Variants in ATXN7L1 observed in about 807,000 individuals in gnomAD.
The protein encoded by ATXN7L1 is ataxin 7 like 1, also known as ataxin-7-like protein 1.
Under a neutral mutation model 70.8 loss-of-function variants are expected in ATXN7L1, and 15 were observed. The ratio of observed to expected loss-of-function variants is 0.21; its 90% CI spans 0.14 to 0.33. ATXN7L1 has a LOEUF of 0.33. ATXN7L1 is among the 10% of genes least tolerant of loss of function. The pLI is 1.00. For missense variants in ATXN7L1, 975 were observed against 1,097.1 expected (o/e 0.89, Z 1.57); for synonymous variants, 440 against 445.1 (o/e 0.99, Z 0.14).
At chr7:105,819,365 A>T (rs1809714258) in intron 2 of ATXN7L1, 1 of 460,196 alleles carries the variant, frequency 2.2e-6, no homozygotes, top group African/African-American at 2.0e-5. Context: ...ATTAAAAAAA[A>T]ATCTGTATAT....
At position 105,630,949 on chromosome 7, in the gene ATXN7L1, C is replaced by G. The variant is rs565471534; in HGVS notation, c.1203-6682G>C. 2.1e-4 allele frequency among the ~76,000 whole-genome samples: 32 copies of G among 152,256 alleles called. No homozygotes were observed. The East Asian group carries it at 6.0e-3, about 28-fold the overall frequency. ...CAGGAAAGGTGGTCTTCAGCTTCAT[C>G]TGGACCTTGTTATATCTGCATGTGC... On this transcript the variant is annotated intron_variant, in intron 7 of 11. Transcript: ENST00000419735.
intron 2 of ATXN7L1, among the ~76,000 whole-genome samples, chr7:105,808,519 A>G (rs1807938295): frequency 6.6e-6 from 1 of 152,222 alleles, no homozygotes; most frequent in Non-Finnish European, 1.5e-5. Context: ...GTGGTGAACT[A>G]TTATGGGAAG....
intron 2 of ATXN7L1, among the ~76,000 whole-genome samples, chr7:105,866,940 T>C (rs1383740248): frequency 6.6e-6 from 1 of 152,190 alleles, no homozygotes; most frequent in Non-Finnish European, 1.5e-5. Flanking sequence ...TACCATCTTA[T>C]GCCTACTTCT....
intron 3 of ATXN7L1, among the ~76,000 whole-genome samples, chr7:105,677,046 A>G (rs1037190501): frequency 2.0e-5 from 3 of 152,180 alleles, no homozygotes; most frequent in Non-Finnish European, 4.4e-5. Flanking sequence ...CCGTGGAGGG[A>G]GGATCCTGGC....
At chr7:105,792,700 G>A (rs1052775014) in intron 2 of ATXN7L1, among the ~76,000 whole-genome samples, 4 of 152,184 alleles carry the variant, frequency 2.6e-5, no homozygotes, top group East Asian at 1.9e-4. Flanking sequence ...GTTTAGTGTC[G>A]TCATGGCAGT....
At chr7:105,725,538 C>T (rs988794739) in intron 3 of ATXN7L1, among the ~76,000 whole-genome samples, 1 of 151,924 alleles carries the variant, frequency 6.6e-6, no homozygotes, top group African/African-American at 2.4e-5. Flanking sequence ...ATCTGCTCTC[C>T]AAATGGGAAG....
At chr7:105,760,242 G>C (rs997764116) in intron 3 of ATXN7L1, 2 of 983,772 alleles carry the variant, frequency 2.0e-6, no homozygotes, top group African/African-American at 3.5e-5. Context: ...TGGGAAAAGT[G>C]ACAAAGGATA....
At chr7:105,779,709 A>C (rs1298562281) in intron 3 of ATXN7L1, among the ~76,000 whole-genome samples, 3 of 152,248 alleles carry the variant, frequency 2.0e-5, no homozygotes, top group African/African-American at 7.2e-5. Context: ...TATCAATACC[A>C]GGAGTTAATT....
At chr7:105,818,559 T>C (rs143568103) in intron 2 of ATXN7L1, among the ~76,000 whole-genome samples, 3 of 152,294 alleles carry the variant, frequency 2.0e-5, no homozygotes, top group Non-Finnish European at 4.4e-5. Flanking sequence ...TGGCCCAAAT[T>C]CAAGGCTGAA....
At position 105,642,900 on chromosome 7, in the gene ATXN7L1, G is replaced by T. The variant is rs1312549371; in HGVS notation, c.800C>A (p.Thr267Asn). ...GCCATTTTGGTGTTTCTTGTCTATG[G>T]TGGTTGGCAGAATTCCTTTGCCATT... ...ILNGKGILPT[T>N]IDKKHQNGTK... is the part of the protein sequence containing the mutation. Residue 267 changes from threonine to asparagine, a missense_variant, in exon 5 of 12, where the codon ACC becomes AAC. Thr to Asn is a moderately conservative substitution (Grantham distance 65, BLOSUM62 0). This residue lies in a region of ATXN7L1 where 192 missense variants were observed against 215.5 expected (regional missense o/e 0.89). Transcript: ENST00000419735. The T allele has an allele frequency of 6.4e-7, 1 of 1,551,726 alleles. No homozygotes were observed. Among genetic ancestry groups the T allele is most frequent in the Admixed American group, 2.0e-5 (1 of 51,008 alleles).
intron 3 of ATXN7L1, among the ~76,000 whole-genome samples, chr7:105,727,747 T>TGTATATATATATATAC (rs1796009449): frequency 6.3e-5 from 1 of 15,916 alleles, no homozygotes; most frequent in African/African-American, 6.3e-4. Context: ...TGTATGTGTG[T>TGTATATATATATATAC]ATATATATAT....
chr7:105,700,061 C>G (rs1036397084), intron 3 of ATXN7L1, among the ~76,000 whole-genome samples: 1 of 152,170 alleles, frequency 6.6e-6, no homozygotes, highest in African/African-American at 2.4e-5. Flanking sequence ...GCTCTGAGCT[C>G]CTGGCTGGGT....
At chr7:105,685,044 GATAATAATAATAATA>G (rs112358794) in intron 3 of ATXN7L1, among the ~76,000 whole-genome samples, 20,759 of 142,652 alleles carry the variant, frequency 0.15, 1,808 homozygotes, top group South Asian at 0.35. Context: ...GAGAAGAGAT[GATAATAATAATAATA>G]ATAATAATAA....
intron 10 of ATXN7L1, 104 bp downstream of exon 10, chr7:105,613,758 A>G: frequency 6.5e-7 from 1 of 1,535,686 alleles, no homozygotes; most frequent in Admixed American, 2.1e-5. Flanking sequence ...GAGAACAGGA[A>G]TCAAGCTTGT....
intron 3 of ATXN7L1, among the ~76,000 whole-genome samples, chr7:105,727,973 T>C (rs1796110877): frequency 6.6e-6 from 1 of 151,560 alleles, no homozygotes; most frequent in African/African-American, 2.4e-5. Flanking sequence ...TATCTTGTAA[T>C]AATGTATTAC....
chr7:105,859,022 G>C (rs948609251), intron 2 of ATXN7L1, among the ~76,000 whole-genome samples: 28 of 151,932 alleles, frequency 1.8e-4, no homozygotes, highest in Non-Finnish European at 8.8e-5. Context: ...ACAGGATCTA[G>C]TTTGAAAAAT....
At chr7:105,619,140 G>GTTTTTTTTGTTTTTT (rs1794388200) in intron 9 of ATXN7L1, among the ~76,000 whole-genome samples, 2 of 49,842 alleles carry the variant, frequency 4.0e-5, no homozygotes, top group Non-Finnish European at 3.3e-5. Context: ...GAAATCTTTA[G>GTTTTTTTTGTTTTTT]TTTTTTTTTT....
intron 3 of ATXN7L1, among the ~76,000 whole-genome samples, chr7:105,719,928 G>A (rs581310): frequency 0.012 from 1,856 of 152,296 alleles, 52 homozygotes; most frequent in African/African-American, 0.042. Context: ...GCCTAGGAAA[G>A]GAGGCCTCTC....
intron 3 of ATXN7L1, among the ~76,000 whole-genome samples, chr7:105,707,759 C>G (rs895779489): frequency 6.6e-6 from 1 of 152,180 alleles, no homozygotes; most frequent in African/African-American, 2.4e-5. Flanking sequence ...GGGAGAGGCT[C>G]TAAAACAAGC....
Sources: gnomAD v4.1 joint callset for allele counts (sites outside exome capture counted in the v4.1 genomes callset) on GRCh38, gnomAD v4.1.1 for gene constraint, gnomAD v4.1.1 regional missense constraint, MANE v1.5 for transcripts, NCBI Gene and HGNC (gene_info 2026-07-23, HGNC 2026-07-21) for gene names.